Variants in RAD54B observed in about 807,000 individuals in gnomAD.
The protein encoded by RAD54B is DNA repair and recombination protein RAD54B.
In RAD54B, 78 loss-of-function variants were observed where a neutral mutation model predicts 95.8. The ratio of observed to expected loss-of-function variants is 0.81; its 90% CI spans 0.68 to 0.98. The LOEUF is 0.98. Among genes scored for constraint, RAD54B ranks in the 50% least tolerant of loss-of-function variants. The pLI is 0.00. For synonymous variants in RAD54B, 328 were observed against 354.9 expected, an observed-to-expected ratio of 0.92 and a Z score of 0.85; for missense variants, 957 against 1,056.6, an observed-to-expected ratio of 0.91 and a Z score of 1.31.
intron 10 of RAD54B, 32 bp from the exon 11 acceptor site, chr8:94,387,191 C>A: frequency 6.7e-7 from 1 of 1,494,694 alleles, no homozygotes; most frequent in Non-Finnish European, 8.9e-7. Context: ...AATGCTGGCT[C>A]AAGTTTGTTT....
intron 14 of RAD54B, among the ~76,000 whole-genome samples, chr8:94,377,000 T>C (rs879880741): frequency 8.5e-5 from 13 of 152,166 alleles, no homozygotes; most frequent in Non-Finnish European, 1.3e-4. Context: ...CTACTAGACA[T>C]TGATTGCTCA....
At chr8:94,423,714 A>G (rs901203222) in intron 3 of RAD54B, among the ~76,000 whole-genome samples, 2 of 152,234 alleles carry the variant, frequency 1.3e-5, no homozygotes, top group Admixed American at 6.5e-5. Context: ...GGTTTTTAGC[A>G]TTAACAAAAG....
chr8:94,437,522 C>A (rs1230015637), intron 3 of RAD54B, among the ~76,000 whole-genome samples: 1 of 152,180 alleles, frequency 6.6e-6, no homozygotes, highest in Non-Finnish European at 1.5e-5. Flanking sequence ...GCTTCTCCTT[C>A]ATTTTACAGT....
intron 3 of RAD54B, chr8:94,427,585 G>A: frequency 5.7e-6 from 2 of 351,354 alleles, no homozygotes; most frequent in Non-Finnish European, 8.0e-6. Context: ...ATTTAGATAT[G>A]GTACATTGGC....
chr8:94,407,757 T>C (rs1337680750), intron 4 of RAD54B, 37 bp from the exon 5 acceptor site: 29 of 1,558,298 alleles, frequency 1.9e-5, no homozygotes, highest in Non-Finnish European at 2.5e-5. Context: ...ATTGACACTC[T>C]ATGATACCAC....
At chr8:94,376,112 G>C (rs887090479) in intron 14 of RAD54B, among the ~76,000 whole-genome samples, 1 of 152,050 alleles carries the variant, frequency 6.6e-6, no homozygotes, top group African/African-American at 2.4e-5. Flanking sequence ...AGGCAATTAA[G>C]AGGATATACA....
chr8:94,423,409 T>C (rs1811869992), intron 3 of RAD54B, among the ~76,000 whole-genome samples: 1 of 152,258 alleles, frequency 6.6e-6, no homozygotes, highest in East Asian at 1.9e-4. Flanking sequence ...AAAAACTTGT[T>C]ATCATCAGGA....
intron 4 of RAD54B, among the ~76,000 whole-genome samples, chr8:94,408,285 TTGATGAA>T (rs1811442984): frequency 6.6e-6 from 1 of 152,176 alleles, no homozygotes; most frequent in Admixed American, 6.5e-5. Context: ...TATTATTAAT[TTGATGAA>T]CATTTATTAA....
At position 94,458,287 on chromosome 8, in the gene RAD54B, T is replaced by A. The variant is rs1386385439; in HGVS notation, c.285A>T (p.Thr95=). Residue 95 remains threonine (T), a synonymous_variant, in exon 3 of 15, where the codon ACA becomes ACT. Coordinates refer to ENST00000336148, the MANE Select transcript of RAD54B (RefSeq NM_012415.3). ...KYCFEAPTLA[T]LDPPHTVHSA... The stretch of plus-strand genomic sequence containing the variant: ...TCTTACCTGTATGAGGTGGATCTAA[T>A]GTTGCCAGTGTAGGTGCTTCAAAAC... 6.2e-7 allele frequency: 1 copy of A among 1,606,438 alleles called. No individual in the cohort carries two copies. The highest frequency in any genetic ancestry group is 1.7e-5 in the Admixed American group (1 of 58,572).
At chr8:94,377,588 C>T (rs1273790055) in intron 14 of RAD54B, among the ~76,000 whole-genome samples, 1 of 132,722 alleles carries the variant, frequency 7.5e-6, no homozygotes, top group Non-Finnish European at 1.6e-5. Context: ...AAAACTCTAA[C>T]TCCAAAGCCA....
At chr8:94,410,884 G>A (rs1342038570) in intron 4 of RAD54B, among the ~76,000 whole-genome samples, 2 of 152,000 alleles carry the variant, frequency 1.3e-5, no homozygotes, top group Non-Finnish European at 2.9e-5. Context: ...GGCCATTTTT[G>A]GAGAAAATGA....
At chr8:94,436,424 T>C in intron 3 of RAD54B, 2 of 1,449,450 alleles carry the variant, frequency 1.4e-6, no homozygotes, top group African/African-American at 1.4e-5. Flanking sequence ...CATATCTCTA[T>C]CACGACTAAG....
intron 3 of RAD54B, among the ~76,000 whole-genome samples, chr8:94,444,269 G>T (rs1812466850): frequency 6.6e-6 from 1 of 152,012 alleles, no homozygotes; most frequent in African/African-American, 2.4e-5. Context: ...ACTAATGATG[G>T]CAGTCATTTT....
At chr8:94,386,775 T>C (rs2129972679) in intron 11 of RAD54B, among the ~76,000 whole-genome samples, 1 of 152,306 alleles carries the variant, frequency 6.6e-6, no homozygotes, top group East Asian at 1.9e-4. Context: ...CACTAGGTTT[T>C]TAAAAGTATA....
chr8:94,405,583 A>T (rs962457486), intron 5 of RAD54B, among the ~76,000 whole-genome samples: 2 of 152,192 alleles, frequency 1.3e-5, no homozygotes, highest in African/African-American at 4.8e-5. Flanking sequence ...GGAGACTAGG[A>T]AGTAAAAATG....
chr8:94,437,075 A>G, intron 3 of RAD54B: 1 of 968,924 alleles, frequency 1.0e-6, no homozygotes, highest in Non-Finnish European at 1.4e-6. Flanking sequence ...TGACCTACAT[A>G]AAGCTTCTCA....
chr8:94,454,238 A>G (rs972882080), intron 3 of RAD54B, among the ~76,000 whole-genome samples: 1 of 152,182 alleles, frequency 6.6e-6, no homozygotes, highest in Non-Finnish European at 1.5e-5. Context: ...ATAGAGACAG[A>G]AAGCAAATTA....
At chr8:94,393,666 C>A in intron 9 of RAD54B, 77 bp downstream of exon 9, 2 of 1,370,634 alleles carry the variant, frequency 1.5e-6, no homozygotes, top group African/African-American at 1.5e-5. Flanking sequence ...TTTTCTAAAT[C>A]AAAATAATAT....
chr8:94,439,294 C>G (rs1485195519), intron 3 of RAD54B, among the ~76,000 whole-genome samples: 2 of 152,014 alleles, frequency 1.3e-5, no homozygotes, highest in Non-Finnish European at 2.9e-5. Flanking sequence ...AAAATGCACA[C>G]GGGAGCAACG....
Sources: gnomAD v4.1 joint callset for allele counts (sites outside exome capture counted in the v4.1 genomes callset) on GRCh38, gnomAD v4.1.1 for gene constraint, MANE v1.5 for transcripts, NCBI Gene and HGNC (gene_info 2026-07-23, HGNC 2026-07-21) for gene names.